ANKS1B: variants seen among roughly 807,000 people sequenced by gnomAD.
ANKS1B encodes ankyrin repeat and sterile alpha motif domain-containing protein 1B.
In ANKS1B, 36 loss-of-function variants were observed where a neutral mutation model predicts 148.3. That is an observed-to-expected ratio of 0.24 (90% confidence interval 0.19 to 0.32). The LOEUF (loss-of-function observed/expected upper bound fraction) is 0.32. Among genes scored for constraint, ANKS1B ranks in the 10% least tolerant of loss-of-function variants. ANKS1B has a pLI of 1.00. For missense variants in ANKS1B, 1,157 were observed against 1,542.6 expected, an observed-to-expected ratio of 0.75 and a Z score of 4.19; for synonymous variants, 542 against 560.8, an observed-to-expected ratio of 0.97 and a Z score of 0.47.
At chr12:99,218,341 C>A (rs1468164411) in intron 14 of ANKS1B, among the ~76,000 whole-genome samples, 2 of 152,072 alleles carry the variant, frequency 1.3e-5, no homozygotes, top group Non-Finnish European at 2.9e-5. Context: ...TGAATTCTTT[C>A]ACAGTGTTTT....
At chr12:99,383,384 C>T (rs969580840) in intron 12 of ANKS1B, among the ~76,000 whole-genome samples, 1 of 152,196 alleles carries the variant, frequency 6.6e-6, no homozygotes, top group African/African-American at 2.4e-5. Flanking sequence ...AAAATCCAGA[C>T]TCTTTAAAAT....
intron 9 of ANKS1B, among the ~76,000 whole-genome samples, chr12:99,541,127 C>A (rs1486934012): frequency 1.3e-5 from 2 of 152,054 alleles, no homozygotes; most frequent in Non-Finnish European, 2.9e-5. Flanking sequence ...TTTGTAATTT[C>A]AAAACTTTCC....
At chr12:99,096,546 A>C (rs2056200769) in intron 15 of ANKS1B, among the ~76,000 whole-genome samples, 1 of 152,198 alleles carries the variant, frequency 6.6e-6, no homozygotes, top group Non-Finnish European at 1.5e-5. Flanking sequence ...AAGCTGAGTA[A>C]GAGCTCCACT....
intron 14 of ANKS1B, among the ~76,000 whole-genome samples, chr12:99,172,527 G>A (rs1437449181): frequency 6.6e-6 from 1 of 152,146 alleles, no homozygotes; most frequent in Non-Finnish European, 1.5e-5. Context: ...AACAAAGTAA[G>A]CCCTGGTTCA....
chr12:99,388,067 A>G (rs2093941757), intron 12 of ANKS1B, among the ~76,000 whole-genome samples: 1 of 152,182 alleles, frequency 6.6e-6, no homozygotes, highest in Non-Finnish European at 1.5e-5. Flanking sequence ...TATAAAAGTT[A>G]TTAAGCAGGG....
chr12:99,116,971 G>T (rs1445905705), intron 15 of ANKS1B, among the ~76,000 whole-genome samples: 1 of 152,182 alleles, frequency 6.6e-6, no homozygotes, highest in African/African-American at 2.4e-5. Context: ...AATTGTGAAT[G>T]GGAGTTCACT....
At chr12:99,931,101 C>T (rs1341888441) in intron 1 of ANKS1B, among the ~76,000 whole-genome samples, 5 of 151,892 alleles carry the variant, frequency 3.3e-5, no homozygotes, top group Non-Finnish European at 7.4e-5. Flanking sequence ...GACAAAAAAC[C>T]GAACACTGCA....
chr12:99,830,829 C>T (rs2083875699), intron 1 of ANKS1B, among the ~76,000 whole-genome samples: 1 of 152,174 alleles, frequency 6.6e-6, no homozygotes, highest in East Asian at 1.9e-4. Context: ...GTTCAAACCA[C>T]ACAGGCCTCC....
At chr12:98,995,428 TA>T (rs1481232517) in intron 17 of ANKS1B, among the ~76,000 whole-genome samples, 1 of 151,802 alleles carries the variant, frequency 6.6e-6, no homozygotes, top group Non-Finnish European at 1.5e-5. Context: ...CCATCTCTAC[TA>T]AAAAAAATTT....
intron 10 of ANKS1B, among the ~76,000 whole-genome samples, chr12:99,444,782 CAGTT>C (rs1165408821): frequency 6.6e-6 from 1 of 151,964 alleles, no homozygotes; most frequent in Non-Finnish European, 1.5e-5. Flanking sequence ...CTTTCCTAGA[CAGTT>C]AGCTGAACTG....
rs148858716 is a variant in ANKS1B, at chr12:99,250,464, A to C, written c.1757-3600T>G. On this transcript the variant is annotated intron_variant, in intron 12 of 26. Transcript: ENST00000683438. ...CAAATAAAATAGAAAATAAAAAGAC[A>C]TGGTTAATACATCCGCCAGTCCTGT... Among the ~76,000 whole-genome samples, 1,347 of 152,338 alleles carry C rather than the reference A, an allele frequency of 8.8e-3. 7 individuals carry two copies. Among genetic ancestry groups the C allele is most frequent in the East Asian group, 0.02 (106 of 5,180 alleles).
chr12:99,542,223 T>C (rs541407270), intron 9 of ANKS1B, among the ~76,000 whole-genome samples: 2 of 152,270 alleles, frequency 1.3e-5, no homozygotes, highest in African/African-American at 4.8e-5. Flanking sequence ...AGTTTGCAGA[T>C]ACAAGGACAA....
At chr12:99,498,019 T>C (rs2096620428) in intron 10 of ANKS1B, among the ~76,000 whole-genome samples, 1 of 152,188 alleles carries the variant, frequency 6.6e-6, no homozygotes, top group Non-Finnish European at 1.5e-5. Context: ...TGACCCCTTA[T>C]TGTCCAAGTG....
intron 9 of ANKS1B, among the ~76,000 whole-genome samples, chr12:99,635,581 G>T (rs7131775): frequency 6.6e-6 from 1 of 152,074 alleles, no homozygotes; most frequent in Non-Finnish European, 1.5e-5. Context: ...GTAGAATGGT[G>T]GTTGCCATTG....
intron 8 of ANKS1B, among the ~76,000 whole-genome samples, chr12:99,767,374 G>A (rs139344072): frequency 5.9e-5 from 9 of 151,596 alleles, no homozygotes; most frequent in African/African-American, 1.9e-4. Context: ...AAAGACATAC[G>A]CTGATGAGGT....
At chr12:99,580,680 T>C (rs1458480997) in intron 9 of ANKS1B, among the ~76,000 whole-genome samples, 1 of 152,186 alleles carries the variant, frequency 6.6e-6, no homozygotes, top group Non-Finnish European at 1.5e-5. Context: ...TATTGTTCAA[T>C]AGCACAGTAG....
chr12:99,815,278 T>C (rs971098923), intron 2 of ANKS1B, among the ~76,000 whole-genome samples: 18 of 151,868 alleles, frequency 1.2e-4, no homozygotes, highest in African/African-American at 4.1e-4. Context: ...AAAACGTCTA[T>C]TTTGAAAACT....
intron 19 of ANKS1B, among the ~76,000 whole-genome samples, chr12:98,822,170 A>G (rs79986220): frequency 0.056 from 8,456 of 152,212 alleles, 436 homozygotes; most frequent in African/African-American, 0.14. Context: ...ATGCATCTGG[A>G]AAAGTCCTTG....
At chr12:99,298,217 C>T (rs1404169794) in intron 12 of ANKS1B, among the ~76,000 whole-genome samples, 2 of 152,288 alleles carry the variant, frequency 1.3e-5, no homozygotes, top group Middle Eastern at 3.4e-3. Context: ...TTCCTACGTA[C>T]CAATGATATG....
Sources: allele counts gnomAD v4.1 joint callset (sites outside exome capture counted in the v4.1 genomes callset), GRCh38; gene constraint gnomAD v4.1.1; transcripts MANE v1.5; gene names NCBI Gene and HGNC (gene_info 2026-07-23, HGNC 2026-07-21).